The following KCNH8 variants were observed in gnomAD, a reference collection of about 807,000 sequenced individuals.
The protein encoded by KCNH8 is voltage-gated delayed rectifier potassium channel KCNH8.
A neutral mutation model predicts 103.6 loss-of-function variants in KCNH8; 70 were observed. That is an observed-to-expected ratio of 0.68 (90% confidence interval 0.56 to 0.82). The LOEUF is 0.82. KCNH8 is among the 40% of genes least tolerant of loss of function. KCNH8 has a pLI of 0.00. For synonymous variants in KCNH8, 498 were observed against 489.4 expected (o/e 1.02, Z -0.23); for missense variants, 1,217 against 1,329.9 (o/e 0.92, Z 1.32).
intron 11 of KCNH8, among the ~76,000 whole-genome samples, chr3:19,469,654 T>C (rs1406842947): frequency 6.6e-6 from 1 of 152,186 alleles, no homozygotes; most frequent in Non-Finnish European, 1.5e-5. Flanking sequence ...GATTCAGAAG[T>C]GATTGTGGCA....
chr3:19,210,993 C>T (rs1043931986), intron 1 of KCNH8, among the ~76,000 whole-genome samples: 1 of 152,142 alleles, frequency 6.6e-6, no homozygotes, highest in African/African-American at 2.4e-5. Flanking sequence ...CTAGTTGATG[C>T]CACTATCCTT....
intron 3 of KCNH8, among the ~76,000 whole-genome samples, chr3:19,335,861 C>T (rs150766110): frequency 1.1e-3 from 170 of 151,796 alleles, no homozygotes; most frequent in African/African-American, 3.9e-3. Context: ...TTAAAGTCTT[C>T]CAAATTCATG....
At chr3:19,373,606 C>T (rs1365866352) in intron 5 of KCNH8, among the ~76,000 whole-genome samples, 4 of 151,990 alleles carry the variant, frequency 2.6e-5, no homozygotes, top group Admixed American at 6.6e-5. Context: ...GTCTCTATTT[C>T]CTTCAGTTCT....
At chr3:19,293,513 C>A (rs531929443) in intron 3 of KCNH8, among the ~76,000 whole-genome samples, 2 of 152,178 alleles carry the variant, frequency 1.3e-5, no homozygotes, top group Admixed American at 6.5e-5. Context: ...TTAGACCTTT[C>A]GATCAGAATC....
At chr3:19,364,967 T>A (rs751242004) in intron 5 of KCNH8, among the ~76,000 whole-genome samples, 11 of 152,150 alleles carry the variant, frequency 7.2e-5, no homozygotes, top group Non-Finnish European at 2.9e-5. Context: ...GAGCAGACTA[T>A]TTTTCATTTG....
intron 7 of KCNH8, among the ~76,000 whole-genome samples, chr3:19,425,469 T>G (rs2067015171): frequency 6.6e-6 from 1 of 152,198 alleles, no homozygotes; most frequent in South Asian, 2.1e-4. Flanking sequence ...ACATTGTGCA[T>G]GTTCACTAAA....
chr3:19,483,160 C>A (rs2068125765), intron 11 of KCNH8, among the ~76,000 whole-genome samples: 1 of 152,086 alleles, frequency 6.6e-6, no homozygotes, highest in Admixed American at 6.6e-5. Context: ...GCCAATAACA[C>A]AACTACCTGC....
At chr3:19,471,560 C>A (rs1228674016) in intron 11 of KCNH8, among the ~76,000 whole-genome samples, 1 of 152,150 alleles carries the variant, frequency 6.6e-6, no homozygotes, top group Non-Finnish European at 1.5e-5. Flanking sequence ...TCCTAGGAGC[C>A]AAGCTGCATG....
chr3:19,478,704 CTT>C (rs2068025254), intron 11 of KCNH8, among the ~76,000 whole-genome samples: 1 of 152,106 alleles, frequency 6.6e-6, no homozygotes, highest in South Asian at 2.1e-4. Flanking sequence ...ATTGCCATCA[CTT>C]TTGAGAAGAG....
At chr3:19,165,172 A>G (rs984662927) in intron 1 of KCNH8, among the ~76,000 whole-genome samples, 3 of 152,208 alleles carry the variant, frequency 2.0e-5, no homozygotes, top group African/African-American at 7.2e-5. Context: ...AAATGCTGTT[A>G]AAAATGATTT....
At chr3:19,435,799 G>T (rs1181128084) in intron 7 of KCNH8, among the ~76,000 whole-genome samples, 2 of 152,036 alleles carry the variant, frequency 1.3e-5, no homozygotes, top group East Asian at 3.8e-4. Flanking sequence ...TAAATAACTT[G>T]CTCGCATTCC....
intron 1 of KCNH8, among the ~76,000 whole-genome samples, chr3:19,187,020 A>G (rs1240659615): frequency 1.3e-5 from 2 of 152,100 alleles, no homozygotes; most frequent in Non-Finnish European, 2.9e-5. Flanking sequence ...TAATTATGTC[A>G]GAATAAAACT....
chr3:19,188,816 ATT>A (rs1260282452), intron 1 of KCNH8, among the ~76,000 whole-genome samples: 1 of 151,776 alleles, frequency 6.6e-6, no homozygotes, highest in African/African-American at 2.4e-5. Context: ...TGTTTGATTG[ATT>A]TTGTTTGTAG....
intron 7 of KCNH8, among the ~76,000 whole-genome samples, chr3:19,421,764 G>A (rs1307543825): frequency 2.0e-5 from 3 of 151,776 alleles, no homozygotes; most frequent in Non-Finnish European, 4.4e-5. Flanking sequence ...TTTAATCTGT[G>A]CATTTTTAGC....
At chr3:19,277,760 G>A (rs552508991) in intron 2 of KCNH8, among the ~76,000 whole-genome samples, 1 of 151,974 alleles carries the variant, frequency 6.6e-6, no homozygotes, top group Admixed American at 6.6e-5. Flanking sequence ...TCCATATAAG[G>A]TAAAAACCTT....
At chr3:19,422,762 C>T (rs1173863395) in intron 7 of KCNH8, among the ~76,000 whole-genome samples, 1 of 151,922 alleles carries the variant, frequency 6.6e-6, no homozygotes, top group Non-Finnish European at 1.5e-5. Context: ...GACCATAATC[C>T]CTATGTTCAC....
chr3:19,161,153 G>A (rs924629948), intron 1 of KCNH8, among the ~76,000 whole-genome samples: 4 of 152,098 alleles, frequency 2.6e-5, no homozygotes, highest in African/African-American at 9.7e-5. Flanking sequence ...TGCATGATAA[G>A]TGATTAGTTA....
rs755816730 is a variant in KCNH8, at chr3:19,533,376, C to T, written c.2620-19C>T. The T allele has an allele frequency of 1.3e-6, 2 of 1,542,598 alleles. No homozygotes were observed. On this transcript the variant is annotated intron_variant, in intron 15 of 15. Coordinates refer to ENST00000328405, the MANE Select transcript of KCNH8 (RefSeq NM_144633.3). ...ATGCACCTCTAACTATTGTCTTTCA[C>T]TTTGCTCTATCCACATAGGTAACAA...
chr3:19,270,178 A>G (rs577788959), intron 2 of KCNH8, among the ~76,000 whole-genome samples: 7 of 152,234 alleles, frequency 4.6e-5, no homozygotes, highest in African/African-American at 1.4e-4. Context: ...TGTATTGTCT[A>G]TTACTCCAAA....
Sources: gnomAD v4.1 joint callset for allele counts (sites outside exome capture counted in the v4.1 genomes callset) on GRCh38, gnomAD v4.1.1 for gene constraint, MANE v1.5 for transcripts, NCBI Gene and HGNC (gene_info 2026-07-23, HGNC 2026-07-21) for gene names.